The following PCDHGA11 variants were observed in gnomAD, a reference collection of about 807,000 sequenced individuals.
The protein encoded by PCDHGA11 is protocadherin gamma subfamily A, 11.
Under a neutral mutation model 60.4 loss-of-function variants are expected in PCDHGA11, and 39 were observed. The ratio of observed to expected loss-of-function variants is 0.65; its 90% confidence interval spans 0.50 to 0.84. PCDHGA11 has a LOEUF of 0.84. PCDHGA11 is among the 40% of genes least tolerant of loss of function. PCDHGA11 has a pLI of 0.00. For synonymous variants in PCDHGA11, 533 were observed against 510.3 expected, an observed-to-expected ratio of 1.04 and a Z score of -0.60; for missense variants, 1,165 against 1,197.7, an observed-to-expected ratio of 0.97 and a Z score of 0.40.
intron 1 of PCDHGA11, among the ~76,000 whole-genome samples, chr5:141,437,771 A>G (rs971065583): frequency 7.9e-5 from 12 of 151,238 alleles, no homozygotes; most frequent in Admixed American, 6.6e-5. Context: ...CAGAGTCTCA[A>G]TCTGTCGCCA....
rs774071540 is a variant in PCDHGA11, at chr5:141,511,042, G to A, written c.2677G>A (p.Asp893Asn). 8 of 1,614,064 alleles carry A rather than the reference G, an allele frequency of 5.0e-6. No homozygotes were observed. Among genetic ancestry groups the A allele is most frequent in the Non-Finnish European group, 6.8e-6 (8 of 1,180,016 alleles). Residue 893 changes from aspartate to asparagine, a missense_variant, in exon 4 of 4, where the codon GAC becomes AAC. Physicochemically the swap from Asp to Asn is conservative, Grantham distance 23. Coordinates refer to ENST00000398587, the MANE Select transcript of PCDHGA11 (RefSeq NM_018914.3). Reference sequence around the variant, plus strand: ...CCAGTTCACCCTGCAGCACGTGCCCGACTACCGCCAGAATGTCTACATCCC... The same window carrying A: ...CCAGTTCACCCTGCAGCACGTGCCCAACTACCGCCAGAATGTCTACATCCC... ...GPQFTLQHVPDYRQNVYIPGS... is the reference protein window; with the variant it reads ...GPQFTLQHVPNYRQNVYIPGS...
chr5:141,510,251 C>T (rs569804850), intron 3 of PCDHGA11, among the ~76,000 whole-genome samples: 5 of 144,790 alleles, frequency 3.5e-5, no homozygotes, highest in South Asian at 4.3e-4. Flanking sequence ...CCAGGCTGGG[C>T]GACAGAGCAG....
At position 141,476,477 on chromosome 5, in the gene PCDHGA11, G is replaced by A; in HGVS notation, c.2434-18330G>A. 1.2e-6 allele frequency: 2 copies of A among 1,614,078 alleles called. No individual in the cohort carries two copies. Among genetic ancestry groups the A allele is most frequent in the South Asian group, 1.1e-5 (1 of 91,070 alleles). ...GGAGAACCCGCTGGAGCTGTTCAGC[G>A]TGGAAGTGGTGATCCAGGACATCAA... On this transcript the variant is annotated intron_variant, in intron 1 of 3. Transcript: ENST00000398587. This position sits in a 1 kb window ranked among gnomAD's most constrained non-coding sequence, Gnocchi z 7.6.
intron 1 of PCDHGA11, chr5:141,429,110 T>A (rs2097186231): frequency 6.6e-6 from 1 of 151,978 alleles, no homozygotes; most frequent in Non-Finnish European, 1.5e-5. Context: ...CGCCTCGGCC[T>A]CCCAAAGTGC....
At chr5:141,460,067 G>T (rs1168161575) in intron 1 of PCDHGA11, among the ~76,000 whole-genome samples, 1 of 151,996 alleles carries the variant, frequency 6.6e-6, no homozygotes, top group Non-Finnish European at 1.5e-5. Flanking sequence ...AACAGAGTGA[G>T]ACTTCATCTA....
chr5:141,460,142 G>A (rs932507660), intron 1 of PCDHGA11, among the ~76,000 whole-genome samples: 5 of 151,950 alleles, frequency 3.3e-5, no homozygotes, highest in African/African-American at 1.2e-4. Flanking sequence ...TATTCTTGAT[G>A]TGAGCTCTTT....
At chr5:141,442,129 G>T in intron 1 of PCDHGA11, 1 of 165,104 alleles carries the variant, frequency 6.1e-6, no homozygotes, top group Non-Finnish European at 1.3e-5. Flanking sequence ...CCGACAGCCT[G>T]CAGGAGACTC....
chr5:141,482,758 T>TGC (rs1413945459), intron 1 of PCDHGA11, among the ~76,000 whole-genome samples: 74 of 141,724 alleles, frequency 5.2e-4, no homozygotes, highest in African/African-American at 9.9e-4. Flanking sequence ...ATTATGGTAT[T>TGC]TCATTATCAC....
In PCDHGA11 at chr5:141,485,979, C is replaced by G; in HGVS notation, c.2434-8828C>G. 1 of 1,614,182 alleles carries G rather than the reference C, an allele frequency of 6.2e-7. No individual in the cohort carries two copies. Among genetic ancestry groups the G allele is most frequent in the Non-Finnish European group, 8.5e-7 (1 of 1,180,022 alleles). On this transcript the variant is annotated intron_variant, in intron 1 of 3. Coordinates refer to ENST00000398587, the MANE Select transcript of PCDHGA11 (RefSeq NM_018914.3). The surrounding 1 kb of genome is among the most constrained non-coding windows in gnomAD (Gnocchi z 5.7). ...CTCATCCAGCTCAATGCCTCAGACC[C>G]GGACCTGGGTCCCAGTGGTAACGTC...
Position 141,490,440 on chromosome 5 carries a change from T to G in PCDHGA11, c.2434-4367T>G, listed in dbSNP as rs560525159. The G allele has an allele frequency of 6.2e-7, 1 of 1,614,206 alleles. No individual in the cohort carries two copies. The highest frequency in any genetic ancestry group is 1.7e-5 in the Admixed American group (1 of 60,026). On this transcript the variant is annotated intron_variant, in intron 1 of 3. Transcript: ENST00000398587. This position sits in a 1 kb window ranked among gnomAD's most constrained non-coding sequence, Gnocchi z 5.4. ...ACCTGCCATTTCAGATTAAGCCTTCTGAGAACCACTACTCGCTGCTAACCA... is the reference window on the plus strand; with the variant it reads ...ACCTGCCATTTCAGATTAAGCCTTCGGAGAACCACTACTCGCTGCTAACCA...
chr5:141,477,013 T>C lies in PCDHGA11; in HGVS notation c.2434-17794T>C. ...TGCGGCAACTATTCGCCTTAGACCT[T>C]GTAACCGGGATGCTGACAATCAAGG... On this transcript the variant is annotated intron_variant, in intron 1 of 3. Coordinates refer to ENST00000398587, the MANE Select transcript of PCDHGA11 (RefSeq NM_018914.3). The surrounding 1 kb of genome is among the most constrained non-coding windows in gnomAD (Gnocchi z 4.9). 6.2e-7 allele frequency: 1 copy of C among 1,614,204 alleles called. No homozygotes were observed. The highest frequency in any genetic ancestry group is 8.5e-7 in the Non-Finnish European group (1 of 1,180,028).
rs766083208 is a variant in PCDHGA11, at chr5:141,477,506, G to A, written c.2434-17301G>A. 1.9e-6 allele frequency: 3 copies of A among 1,614,028 alleles called. No homozygotes were observed. Among genetic ancestry groups the A allele is most frequent in the South Asian group, 2.2e-5 (2 of 91,076 alleles). ...ACAATCTTCTCAATCTTCCTACGAC[G>A]TTTACATTGAAGAAAACAACCTCCC... On this transcript the variant is annotated intron_variant, in intron 1 of 3. Transcript: ENST00000398587. This position sits in a 1 kb window ranked among gnomAD's most constrained non-coding sequence, Gnocchi z 4.9.
rs1215523341 is a variant in PCDHGA11 at position 141,422,061 on chromosome 5, A to G, written c.834A>G (p.Val278=). The G allele has an allele frequency of 1.9e-6, 3 of 1,612,074 alleles. No individual in the cohort carries two copies. Among genetic ancestry groups the G allele is most frequent in the Non-Finnish European group, 2.5e-6 (3 of 1,179,396 alleles). Residue 278 remains valine (V), a synonymous_variant, in exon 1 of 4, where the codon GTA becomes GTG. Transcript: ENST00000398587. The part of the protein sequence containing the change: ...TDPDEGINGE[V]MYSFRNMESK... ...CAGACGAGGGAATCAACGGGGAAGT[A>G]ATGTATTCATTTCGGAACATGGAAA...
Position 141,422,340 on chromosome 5 carries a change from T to C in PCDHGA11, c.1113T>C (p.Asn371=), listed in dbSNP as rs776306472. ...CAGGTACAGTGATTGCTCTTCTAAA[T>C]GTGCAAGATCAAGATTCTGGAGAAA... ...SPPGTVIALL[N]VQDQDSGENG... is the part of the protein sequence containing the mutation. Residue 371 remains asparagine (N), a synonymous_variant, in exon 1 of 4, where the codon AAT becomes AAC. Transcript: ENST00000398587. 2.6e-6 allele frequency: 4 copies of C among 1,550,190 alleles called. 1 individual carries two copies. Among genetic ancestry groups the C allele is most frequent in the Non-Finnish European group, 3.5e-6 (4 of 1,154,238 alleles).
Position 141,461,919 on chromosome 5 carries a change from G to T in PCDHGA11, c.2434-32888G>T, listed in dbSNP as rs10060711. On this transcript the variant is annotated intron_variant, in intron 1 of 3. Transcript: ENST00000398587. Reference sequence around the variant, plus strand: ...GCTCACTGCAACCTCTGCCTCCTGGGTTCCAGCAATTCTCCTGCCTCAACC... The same window carrying T: ...GCTCACTGCAACCTCTGCCTCCTGGTTTCCAGCAATTCTCCTGCCTCAACC... 5.4e-3 allele frequency among the ~76,000 whole-genome samples: 815 copies of T among 152,214 alleles called. 11 individuals are homozygous for T. Among genetic ancestry groups the T allele is most frequent in the African/African-American group, 0.019 (780 of 41,542 alleles).
chr5:141,478,590 A>T, intron 1 of PCDHGA11: 1 of 1,573,342 alleles, frequency 6.4e-7, no homozygotes, highest in South Asian at 1.1e-5. Flanking sequence ...GTGCTTTTTT[A>T]TTCCTACATC....
chr5:141,475,921 A>T, intron 1 of PCDHGA11: 1 of 604,938 alleles, frequency 1.7e-6, no homozygotes, highest in Non-Finnish European at 2.8e-6. Flanking sequence ...AAGACGCTGG[A>T]GATCGGGCCC....
intron 1 of PCDHGA11, among the ~76,000 whole-genome samples, chr5:141,434,490 G>A (rs566645029): frequency 2.5e-4 from 38 of 152,274 alleles, no homozygotes; most frequent in Non-Finnish European, 4.9e-4. Flanking sequence ...CACCTGGCCC[G>A]CCCAGGGCAG....
intron 1 of PCDHGA11, among the ~76,000 whole-genome samples, chr5:141,436,517 G>A (rs1398225419): frequency 1.3e-5 from 2 of 152,130 alleles, no homozygotes; most frequent in African/African-American, 4.8e-5. Flanking sequence ...TGTTAACTGT[G>A]TCACCTTTAG....
Sources: gnomAD v4.1 joint callset for allele counts (sites outside exome capture counted in the v4.1 genomes callset) on GRCh38, gnomAD v4.1.1 for gene constraint, Gnocchi (gnomAD v3.1) non-coding constraint, MANE v1.5 for transcripts, NCBI Gene and HGNC (gene_info 2026-07-23, HGNC 2026-07-21) for gene names.